SLC25A15: variants seen among roughly 807,000 people sequenced by gnomAD.
SLC25A15 encodes the protein solute carrier family 25 member 15.
Under a neutral mutation model 32.3 loss-of-function variants are expected in SLC25A15, and 24 were observed. The observed-to-expected ratio is 0.74, with a 90% CI of 0.54 to 1.04. The LOEUF (loss-of-function observed/expected upper bound fraction) is 1.04. Ranked by LOEUF, SLC25A15 falls within the 50% of genes least tolerant of loss-of-function variation. The pLI, the probability that SLC25A15 is intolerant of heterozygous loss-of-function variation, is 0.00. For missense variants in SLC25A15, 317 were observed against 374.5 expected, an observed-to-expected ratio of 0.85 and a Z score of 1.27; for synonymous variants, 132 against 142.1, an observed-to-expected ratio of 0.93 and a Z score of 0.51.
chr13:40,804,195 G>A (rs1444362061), intron 3 of SLC25A15, among the ~76,000 whole-genome samples: 1 of 152,130 alleles, frequency 6.6e-6, no homozygotes, highest in Non-Finnish European at 1.5e-5. Context: ...CAGAGAGTGA[G>A]CGAGCTCTCT....
At position 40,793,234 on chromosome 13, in the gene SLC25A15, C is replaced by A; in HGVS notation, c.8C>A (p.Ser3Tyr). The A allele has an allele frequency of 1.2e-6, 2 of 1,614,150 alleles. No individual in the cohort carries two copies. Among genetic ancestry groups the A allele is most frequent in the East Asian group, 2.2e-5 (1 of 44,884 alleles). Reference sequence around the variant, plus strand: ...GCAGAAGAGTGGGCAAACATGAAATCCAATCCTGCTATCCAGGCTGCCATT... The same window carrying A: ...GCAGAAGAGTGGGCAAACATGAAATACAATCCTGCTATCCAGGCTGCCATT... MK[S>Y]NPAIQAAIDL... is the part of the protein sequence containing the mutation. Residue 3 changes from serine to tyrosine, a missense_variant, in exon 2 of 7, where the codon TCC becomes TAC. By Grantham distance (144) the Ser-to-Tyr change is moderately radical. Transcript: ENST00000338625.
At chr13:40,800,327 A>T (rs188561044) in intron 3 of SLC25A15, among the ~76,000 whole-genome samples, 60 of 152,112 alleles carry the variant, frequency 3.9e-4, no homozygotes, top group African/African-American at 1.2e-3. Flanking sequence ...GTAGACAGCG[A>T]GGAGGGCTGA....
In SLC25A15 at chr13:40,801,097, G is replaced by A. The variant is rs1156906004; in HGVS notation, c.314+1782G>A. ...AAAATACAAAACTTAGCTGAGTGTG[G>A]TAGCACATGTCTGTGGTCCCAGCTA... On this transcript the variant is annotated intron_variant, in intron 3 of 6. Transcript: ENST00000338625. Among the ~76,000 whole-genome samples, 3 of 152,020 alleles carry A rather than the reference G, an allele frequency of 2.0e-5. 1 individual carries two copies. Among genetic ancestry groups the A allele is most frequent in the Middle Eastern group, 6.3e-3 (2 of 316 alleles).
In SLC25A15 at chr13:40,810,605, A is replaced by G. The variant is rs981651502; in HGVS notation, c.*938A>G. ...CAGAGTAGGTATCCTAGATTTCCCC[A>G]AGATGCTCTACTCTTAAAATAGTGC... On this transcript the variant is annotated 3_prime_UTR_variant, in exon 7 of 7. Coordinates refer to ENST00000338625, the MANE Select transcript of SLC25A15 (RefSeq NM_014252.4). 3.3e-5 allele frequency among the ~76,000 whole-genome samples: 5 copies of G among 152,176 alleles called. No homozygotes were observed. The highest frequency in any genetic ancestry group is 1.2e-4 in the African/African-American group (5 of 41,440).
At chr13:40,804,540 A>G (rs1370521664) in intron 3 of SLC25A15, among the ~76,000 whole-genome samples, 2 of 123,140 alleles carry the variant, frequency 1.6e-5, no homozygotes, top group East Asian at 2.4e-4. Flanking sequence ...CCTTCCTTTC[A>G]TCATTTTTTT....
intron 1 of SLC25A15, among the ~76,000 whole-genome samples, chr13:40,791,510 A>C (rs1372530678): frequency 6.6e-6 from 1 of 151,622 alleles, no homozygotes; most frequent in African/African-American, 2.4e-5. Flanking sequence ...GGTGTGCATC[A>C]CCACGCTGGG....
chr13:40,803,702 T>C (rs1236343845), intron 3 of SLC25A15, among the ~76,000 whole-genome samples: 1 of 152,238 alleles, frequency 6.6e-6, no homozygotes, highest in Non-Finnish European at 1.5e-5. Flanking sequence ...TGTGGCACCA[T>C]TTTACCCTCG....
chr13:40,808,150 G>A (rs1285975106), intron 5 of SLC25A15, among the ~76,000 whole-genome samples: 1 of 152,234 alleles, frequency 6.6e-6, no homozygotes, highest in Non-Finnish European at 1.5e-5. Context: ...AGGCCTGCTG[G>A]TTCGTGTGGG....
intron 3 of SLC25A15, among the ~76,000 whole-genome samples, chr13:40,803,469 A>G (rs933334428): frequency 3.3e-5 from 5 of 152,194 alleles, no homozygotes; most frequent in African/African-American, 1.2e-4. Context: ...AATTACAGGT[A>G]TGAGCCACCA....
In SLC25A15 at chr13:40,808,750, G is replaced by A. The variant is rs138571176; in HGVS notation, c.781+154G>A. On this transcript the variant is annotated intron_variant, in intron 6 of 6. Transcript: ENST00000338625. ...AGATCGAGACCATCCTGGCTAACAC[G>A]GTGAAACCCCGTCTCTACTAAAAAT... Among the ~76,000 whole-genome samples, 9,291 of 151,830 alleles carry A rather than the reference G, an allele frequency of 0.061. 355 individuals carry two copies. The highest frequency in any genetic ancestry group is 0.095 in the Middle Eastern group (28 of 294).
chr13:40,789,939 A>G (rs1389467061), intron 1 of SLC25A15, among the ~76,000 whole-genome samples: 1 of 152,146 alleles, frequency 6.6e-6, no homozygotes, highest in East Asian at 1.9e-4. Flanking sequence ...CAGGGGCGCC[A>G]GTGCTGGGCA....
intron 1 of SLC25A15, among the ~76,000 whole-genome samples, chr13:40,791,591 C>T (rs1404176827): frequency 1.3e-5 from 2 of 152,008 alleles, no homozygotes; most frequent in African/African-American, 2.4e-5. Flanking sequence ...CTCCTGACCT[C>T]GTGATCCTCC....
At position 40,791,363 on chromosome 13, in the gene SLC25A15, TA is replaced by T. The variant is rs200001953; in HGVS notation, c.-70+1701del. On this transcript the variant is annotated intron_variant, in intron 1 of 6. Transcript: ENST00000338625. ...ATTTTTTATTTTCTATTATTATTAT[TA>T]TTTTTTTTTTTGAGACAGAGTCTCA... Among the ~76,000 whole-genome samples, 679 of 143,664 alleles carry T rather than the reference TA, an allele frequency of 4.7e-3. 2 individuals carry two copies. The highest frequency in any genetic ancestry group is 0.035 in the Middle Eastern group (10 of 284). 94.2% of individuals were successfully genotyped at this position (143,664 alleles called of 152,430 possible). A position where few individuals can be genotyped will look rare whatever the true frequency, so the allele number is the denominator to read the frequency against.
At chr13:40,805,320 TTTACATTGTACTAAAG>T (rs1458265610) in intron 4 of SLC25A15, 65 bp downstream of exon 4, 2 of 1,592,298 alleles carry the variant, frequency 1.3e-6, no homozygotes, top group African/African-American at 2.7e-5. Flanking sequence ...GATTTTTCAT[TTTACATTGTACTAAAG>T]TGGCAGATGT....
At chr13:40,802,719 C>T (rs921348739) in intron 3 of SLC25A15, among the ~76,000 whole-genome samples, 4 of 152,034 alleles carry the variant, frequency 2.6e-5, no homozygotes, top group Admixed American at 6.5e-5. Context: ...GGACTACAGG[C>T]GCCCACCACC....
Position 40,810,248 on chromosome 13 carries a change from T to G in SLC25A15, c.*581T>G, listed in dbSNP as rs1882390623. The G allele has an allele frequency of 2.3e-5, 4 of 172,560 alleles. No individual in the cohort carries two copies. The South Asian group carries it at 5.5e-4, about 24-fold the overall frequency. 10.7% of individuals were successfully genotyped at this position (172,560 alleles called of 1,614,324 possible). ...ATCTCGGCTCACTGCAACCTCCGCC[T>G]CCTGGGTTCAAGCGATTCTCTCACC... is the stretch of plus-strand genomic sequence containing the variant. On this transcript the variant is annotated 3_prime_UTR_variant, in exon 7 of 7. Transcript: ENST00000338625.
At chr13:40,801,396 A>G (rs1332840206) in intron 3 of SLC25A15, among the ~76,000 whole-genome samples, 1 of 151,692 alleles carries the variant, frequency 6.6e-6, no homozygotes. Flanking sequence ...AAGCTCTGAC[A>G]TGTATATCAT....
chr13:40,793,787 A>G (rs1477747265), intron 2 of SLC25A15, among the ~76,000 whole-genome samples: 1 of 152,250 alleles, frequency 6.6e-6, no homozygotes, highest in Non-Finnish European at 1.5e-5. Context: ...AGCAGAAGCT[A>G]GAGGAGTGTC....
At chr13:40,798,678 T>C in intron 2 of SLC25A15, 1 of 735,630 alleles carries the variant, frequency 1.4e-6, no homozygotes, top group Non-Finnish European at 1.7e-6. Flanking sequence ...ATCCTCACGC[T>C]AACCCTGTGA....
Sources: gnomAD v4.1 joint callset for allele counts (sites outside exome capture counted in the v4.1 genomes callset) on GRCh38, gnomAD v4.1.1 for gene constraint, MANE v1.5 for transcripts, NCBI Gene and HGNC (gene_info 2026-07-23, HGNC 2026-07-21) for gene names.